The following SPOCD1 variants were observed in gnomAD, a reference collection of about 807,000 sequenced individuals.
SPOCD1 encodes the protein SPOC domain containing 1, also known as SPOC domain-containing protein 1.
A neutral mutation model predicts 92.2 loss-of-function variants in SPOCD1; 64 were observed. That is an observed-to-expected ratio of 0.69 (90% CI 0.57 to 0.86). The LOEUF is 0.86. Ranked by LOEUF, SPOCD1 falls within the 40% of genes least tolerant of loss-of-function variation. SPOCD1 has a pLI of 0.00. For missense variants in SPOCD1, 1,360 were observed against 1,543.1 expected (o/e 0.88, Z 1.99); for synonymous variants, 578 against 619.3 (o/e 0.93, Z 0.99).
intron 13 of SPOCD1, 91 bp from the exon 14 acceptor site, chr1:31,792,858 T>A: frequency 1.0e-6 from 1 of 1,003,928 alleles, no homozygotes; most frequent in Non-Finnish European, 1.5e-6. Flanking sequence ...CTGCAGCCTG[T>A]GGCAAATATG....
intron 2 of SPOCD1, among the ~76,000 whole-genome samples, chr1:31,805,185 C>T (rs1275870052): frequency 2.0e-5 from 3 of 151,520 alleles, no homozygotes; most frequent in Non-Finnish European, 1.5e-5. Context: ...AGGGTTTCAC[C>T]GTGTTAGCCA....
chr1:31,804,132 C>CT (rs1305431990), intron 2 of SPOCD1, among the ~76,000 whole-genome samples: 2 of 152,154 alleles, frequency 1.3e-5, no homozygotes, highest in Non-Finnish European at 2.9e-5. Flanking sequence ...AAAATAATAG[C>CT]TAACACTTGA....
chr1:31,803,937 A>G (rs1322619070), intron 2 of SPOCD1, among the ~76,000 whole-genome samples: 2 of 152,086 alleles, frequency 1.3e-5, no homozygotes, highest in Non-Finnish European at 2.9e-5. Flanking sequence ...AGAAGGAGAG[A>G]GGAAAGAGAA....
intron 2 of SPOCD1, among the ~76,000 whole-genome samples, chr1:31,813,728 C>G (rs141142999): frequency 6.6e-6 from 1 of 152,336 alleles, no homozygotes; most frequent in African/African-American, 2.4e-5. Context: ...ACCCAGGACT[C>G]ACTGACTCCA....
intron 2 of SPOCD1, among the ~76,000 whole-genome samples, chr1:31,808,606 GACC>G (rs1290616107): frequency 6.6e-6 from 1 of 151,960 alleles, no homozygotes; most frequent in Admixed American, 6.6e-5. Flanking sequence ...GTGAAACGAT[GACC>G]ACATTTCCTT....
Position 31,793,896 on chromosome 1 carries a change from G to C in SPOCD1, c.2385C>G (p.Asp795Glu), listed in dbSNP as rs1207365217. 1.2e-5 allele frequency: 20 copies of C among 1,610,544 alleles called. No homozygotes were observed. Among genetic ancestry groups the C allele is most frequent in the Non-Finnish European group, 1.7e-5 (20 of 1,177,326 alleles). ...CTAGCAGCTCATTCGAGGGCTCCCAGTCTGCAAATAGCAGAGGCAGGAGCT... is the reference window on the plus strand; with the variant it reads ...CTAGCAGCTCATTCGAGGGCTCCCACTCTGCAAATAGCAGAGGCAGGAGCT... ...FLDPNCHICK[D>E]WEPSNELLGS... The change falls in exon 12 of 16, where the codon GAC becomes GAG. Residue 795 changes from aspartate (D) to glutamate (E), a missense_variant and splice_region_variant. By Grantham distance (45) the Asp-to-Glu change is conservative. This residue lies in a region of SPOCD1 where 614 missense variants were observed against 757.8 expected (regional missense o/e 0.81). Coordinates refer to ENST00000360482, the MANE Select transcript of SPOCD1 (RefSeq NM_144569.7).
At chr1:31,800,915 C>A (rs769256671) in intron 3 of SPOCD1, among the ~76,000 whole-genome samples, 20 of 152,232 alleles carry the variant, frequency 1.3e-4, no homozygotes, top group Non-Finnish European at 2.1e-4. Context: ...TCATAGTTAA[C>A]TGAACTCTGT....
chr1:31,793,352 G>T lies in SPOCD1; in HGVS notation c.2611C>A (p.Leu871Met). 1.3e-6 allele frequency: 2 copies of T among 1,591,932 alleles called. No homozygotes were observed. The highest frequency in any genetic ancestry group is 2.3e-5 in the East Asian group (1 of 43,846). The change falls in exon 13 of 16, where the codon CTG (leucine) becomes ATG (methionine). Residue 871 changes from leucine to methionine, a missense_variant. By Grantham distance (15) the Leu-to-Met change is conservative (BLOSUM62 2). Around this residue, in one of 3 missense-constraint regions of SPOCD1, gnomAD observed 614 missense variants for 757.8 expected, o/e 0.81. Coordinates refer to ENST00000360482, the MANE Select transcript of SPOCD1 (RefSeq NM_144569.7). The stretch of plus-strand genomic sequence containing the variant: ...AACCGCTTGATGGAGAACATGTCCA[G>T]AACACCTTCCCAGGGTGGCAGGCAG... ...LPCLPPWEGV[L>M]DMFSIKRFRA...
intron 2 of SPOCD1, among the ~76,000 whole-genome samples, chr1:31,803,001 G>GAA (rs1406622990): frequency 9.5e-6 from 1 of 105,258 alleles, no homozygotes; most frequent in East Asian, 2.8e-4. Flanking sequence ...GAAAGAGGCA[G>GAA]AAAAAAAAAA....
chr1:31,805,750 T>A (rs1648779909), intron 2 of SPOCD1, among the ~76,000 whole-genome samples: 1 of 151,928 alleles, frequency 6.6e-6, no homozygotes, highest in East Asian at 1.9e-4. Context: ...AATAAAATGG[T>A]AGGAGTAGAT....
rs1648472266 is a variant in SPOCD1 at position 31,801,651 on chromosome 1, T to C, written c.1425+13A>G. On this transcript the variant is annotated intron_variant, in intron 3 of 15. Coordinates refer to ENST00000360482, the MANE Select transcript of SPOCD1 (RefSeq NM_144569.7). ...GGGAGAAAGAAAAGCAATAATAAAA[T>C]GTAAAAACCTACGTAGCACACAAGC... is the stretch of plus-strand genomic sequence containing the variant. The C allele has an allele frequency of 6.2e-7, 1 of 1,612,704 alleles. No homozygotes were observed.
At position 31,793,856 on chromosome 1, in the gene SPOCD1, C is replaced by A; in HGVS notation, c.2425G>T (p.Ala809Ser). ...AAGATATTGTCCCCGCAGCTCTTGG[C>A]GGCTTCGAAGGAGCCTAGCAGCTCA... The part of the protein sequence containing the change: ...SNELLGSFEA[A>S]KSCGDNIFQK... Residue 809 changes from alanine to serine, a missense_variant, in exon 12 of 16, where the codon GCC (alanine) becomes TCC (serine). By Grantham distance (99) the Ala-to-Ser change is moderately conservative. This residue lies in a region of SPOCD1 where 614 missense variants were observed against 757.8 expected (regional missense o/e 0.81). Coordinates refer to ENST00000360482, the MANE Select transcript of SPOCD1 (RefSeq NM_144569.7). 2.5e-6 allele frequency: 4 copies of A among 1,613,992 alleles called. No individual in the cohort carries two copies. The highest frequency in any genetic ancestry group is 3.4e-6 in the Non-Finnish European group (4 of 1,179,896).
chr1:31,803,596 C>A (rs1011969020), intron 2 of SPOCD1, among the ~76,000 whole-genome samples: 3 of 151,512 alleles, frequency 2.0e-5, no homozygotes, highest in African/African-American at 7.3e-5. Context: ...AAAAAAATAG[C>A]CAGGCATGGT....
Position 31,793,338 on chromosome 1 carries a change from G to GGA in SPOCD1, c.2623_2624dup (p.Ile876ProfsTer26), listed in dbSNP as rs1412819427. Reference sequence around the variant, plus strand: ...GGGCCCTGGCCCGGAACCGCTTGATGGAGAACATGTCCAGAACACCTTCCC... The same window carrying GGA: ...GGGCCCTGGCCCGGAACCGCTTGATGGAGAGAACATGTCCAGAACACCTTCCC... On this transcript the variant is annotated frameshift_variant, in exon 13 of 16. Coordinates refer to ENST00000360482, the MANE Select transcript of SPOCD1 (RefSeq NM_144569.7). LOFTEE classifies it high-confidence loss of function. 1.3e-6 allele frequency: 2 copies of GGA among 1,591,924 alleles called. No homozygotes were observed. The highest frequency in any genetic ancestry group is 3.5e-5 in the Admixed American group (2 of 56,600).
rs868680009 is a variant in SPOCD1, at chr1:31,800,020, G to C, written c.1724C>G (p.Ser575Cys). The change falls in exon 5 of 16, where the codon TCC (serine) becomes TGC (cysteine). Residue 575 changes from serine (S) to cysteine (C), a missense_variant. Physicochemically the swap from Ser to Cys is moderately radical, Grantham distance 112 (BLOSUM62 -1). This residue lies in a region of SPOCD1 where 606 missense variants were observed against 601.5 expected (regional missense o/e 1.01). Coordinates refer to ENST00000360482, the MANE Select transcript of SPOCD1 (RefSeq NM_144569.7). Reference sequence around the variant, plus strand: ...GGCCGGGGCAGAACAACTTGCCTGGGAACATGCAGGGTCCGAGCTGGGGTC... The same window carrying C: ...GGCCGGGGCAGAACAACTTGCCTGGCAACATGCAGGGTCCGAGCTGGGGTC... ...LGDPSSDPAC[S>C]QSGPMEAEED... 1.2e-6 allele frequency: 2 copies of C among 1,612,038 alleles called. No individual in the cohort carries two copies. The highest frequency in any genetic ancestry group is 1.7e-6 in the Non-Finnish European group (2 of 1,179,038).
intron 5 of SPOCD1, 60 bp from the exon 6 acceptor site, chr1:31,799,923 G>A (rs1371207125): frequency 1.9e-6 from 3 of 1,613,584 alleles, no homozygotes; most frequent in Non-Finnish European, 1.7e-6. Context: ...CAGCCCAGGG[G>A]ACACTGCTTC....
chr1:31,815,186 C>T lies in SPOCD1; in HGVS notation c.148G>A (p.Gly50Arg), dbSNP rs34615674. ...TTCCTTCTGCTGCCAGCCCTGACTC[C>T]GGGCCCAGAGCTTGCTCCCGGCCCA... ...PDGPGASSGP[G>R]VRAGSRRKIP... The change falls in exon 2 of 16, where the codon GGA becomes AGA. Residue 50 changes from glycine (G) to arginine (R), a missense_variant. Physicochemically the swap from Gly to Arg is moderately radical, Grantham distance 125. Around this residue, in one of 3 missense-constraint regions of SPOCD1, gnomAD observed 140 missense variants for 183.8 expected, o/e 0.76. Transcript: ENST00000360482. 818 of 1,607,960 alleles carry T rather than the reference C, an allele frequency of 5.1e-4. No homozygotes were observed. The highest frequency in any genetic ancestry group is 6.2e-4 in the Non-Finnish European group (726 of 1,175,336).
rs750113373 is a variant in SPOCD1, at chr1:31,814,178, T to C, written c.1156A>G (p.Thr386Ala). The change falls in exon 2 of 16, where the codon ACC becomes GCC. Residue 386 changes from threonine to alanine, a missense_variant. Physicochemically the swap from Thr to Ala is moderately conservative, Grantham distance 58 (BLOSUM62 0). Around this residue, in one of 3 missense-constraint regions of SPOCD1, gnomAD observed 606 missense variants for 601.5 expected, o/e 1.01. Coordinates refer to ENST00000360482, the MANE Select transcript of SPOCD1 (RefSeq NM_144569.7). The surrounding 1 kb of genome is among the most constrained non-coding windows in gnomAD (Gnocchi z 4.2). Reference sequence around the variant, plus strand: ...AAGGGCTCCCGGGAGCTGGCACAGGTGTCAGCGGGGGCAGCGAGTCCTTGC... The same window carrying C: ...AAGGGCTCCCGGGAGCTGGCACAGGCGTCAGCGGGGGCAGCGAGTCCTTGC... Reference protein sequence around the residue: ...LEQGLAAPADTCASSREPLGG... With the variant: ...LEQGLAAPADACASSREPLGG... The C allele has an allele frequency of 3.2e-6, 5 of 1,576,080 alleles. No individual in the cohort carries two copies. The East Asian group carries it at 9.1e-5, about 29-fold the overall frequency.
chr1:31,790,741 G>A lies in SPOCD1; in HGVS notation c.3513C>T (p.Thr1171=). ...GCAGAGGGCGGGGGATGGAGCTCTT[G>A]GTCTGGGGGCACAGTAAGGCTTGGA... ...HQLQALLCPQ[T]KSSIPRPLQR... Residue 1171 remains threonine, a synonymous_variant, in exon 16 of 16, where the codon ACC becomes ACT. Coordinates refer to ENST00000360482, the MANE Select transcript of SPOCD1 (RefSeq NM_144569.7). The A allele has an allele frequency of 1.3e-6, 2 of 1,552,090 alleles. No individual in the cohort carries two copies. Among genetic ancestry groups the A allele is most frequent in the Non-Finnish European group, 1.7e-6 (2 of 1,147,164 alleles).
Sources: allele counts gnomAD v4.1 joint callset (sites outside exome capture counted in the v4.1 genomes callset), GRCh38; gene constraint gnomAD v4.1.1; regional missense constraint gnomAD v4.1.1; non-coding constraint Gnocchi (gnomAD v3.1); transcripts MANE v1.5; gene names NCBI Gene and HGNC (gene_info 2026-07-23, HGNC 2026-07-21).